ZNF148: variants seen among roughly 807,000 people sequenced by gnomAD.
ZNF148 encodes Beta-Enolase Repressor Factor-1.
ZNF148 carries 7 observed loss-of-function variants against 67.7 expected under a neutral mutation model. The observed-to-expected ratio is 0.10, with a 90% CI of 0.06 to 0.19. The LOEUF is 0.19. Among genes scored for constraint, ZNF148 ranks in the 10% least tolerant of loss-of-function variants. ZNF148 has a pLI of 1.00. For missense variants in ZNF148, 583 were observed against 947.1 expected (o/e 0.62, Z 5.05); for synonymous variants, 333 against 330.7 (o/e 1.01, Z -0.08).
chr3:125,305,874 A>G (rs1468208467), intron 4 of ZNF148, among the ~76,000 whole-genome samples: 2 of 152,092 alleles, frequency 1.3e-5, no homozygotes, highest in Non-Finnish European at 2.9e-5. Flanking sequence ...AATCCAACCA[A>G]CAATAGCCAG....
At chr3:125,368,853 G>C (rs538816818) in intron 1 of ZNF148, among the ~76,000 whole-genome samples, 59 of 152,142 alleles carry the variant, frequency 3.9e-4, no homozygotes, top group African/African-American at 1.4e-3. Flanking sequence ...ACTGAGGCAG[G>C]AGAATCGCTT....
At position 125,313,237 on chromosome 3, in the gene ZNF148, C is replaced by A. The variant is rs181788446; in HGVS notation, c.333+71G>T. 445 of 1,264,592 alleles carry A rather than the reference C, an allele frequency of 3.5e-4. 2 individuals are homozygous for A. In the African/African-American group the frequency reaches 6.1e-3, roughly 17 times the overall value. The allele number at this position is 1,264,592 out of a possible 1,614,324, so 78.3% of individuals were successfully genotyped here. ...CCTGAAACATTTTCTGAAATTTCTTCGATGACTTGCAGTATTACGTAACAA... is the reference window on the plus strand; with the variant it reads ...CCTGAAACATTTTCTGAAATTTCTTAGATGACTTGCAGTATTACGTAACAA... On this transcript the variant is annotated intron_variant, in intron 4 of 8. Coordinates refer to ENST00000360647, the MANE Select transcript of ZNF148 (RefSeq NM_021964.3).
chr3:125,297,195 T>A (rs1010408384), intron 4 of ZNF148, among the ~76,000 whole-genome samples: 2 of 151,912 alleles, frequency 1.3e-5, no homozygotes, highest in Non-Finnish European at 2.9e-5. Context: ...CCCAGCAAAG[T>A]AAAGTGAAAG....
chr3:125,309,687 C>T (rs1287289280), intron 4 of ZNF148, among the ~76,000 whole-genome samples: 2 of 152,162 alleles, frequency 1.3e-5, no homozygotes, highest in Non-Finnish European at 2.9e-5. Flanking sequence ...TGAGGAACCA[C>T]TGGGGAAGTT....
intron 2 of ZNF148, among the ~76,000 whole-genome samples, chr3:125,323,958 CAAA>C (rs11316937): frequency 1.7e-4 from 22 of 127,852 alleles, no homozygotes; most frequent in Admixed American, 1.6e-4. Flanking sequence ...GACTCTGTCT[CAAA>C]AAAAAAAAAA....
intron 7 of ZNF148, among the ~76,000 whole-genome samples, chr3:125,275,296 C>G (rs981553240): frequency 6.6e-6 from 1 of 152,300 alleles, no homozygotes; most frequent in South Asian, 2.1e-4. Flanking sequence ...CTACACTGTT[C>G]TCTCTAACAT....
intron 7 of ZNF148, among the ~76,000 whole-genome samples, chr3:125,268,750 T>A (rs1216870349): frequency 2.6e-5 from 4 of 151,934 alleles, no homozygotes; most frequent in African/African-American, 9.7e-5. Flanking sequence ...GAGGCCAAAG[T>A]AAGAGGACTG....
At chr3:125,298,604 T>C (rs1476597016) in intron 4 of ZNF148, among the ~76,000 whole-genome samples, 1 of 150,758 alleles carries the variant, frequency 6.6e-6, no homozygotes, top group African/African-American at 2.4e-5. Flanking sequence ...CAAAATATTG[T>C]ACATTTATAT....
intron 3 of ZNF148, among the ~76,000 whole-genome samples, chr3:125,317,143 T>C (rs1344499346): frequency 6.6e-6 from 1 of 152,190 alleles, no homozygotes; most frequent in Non-Finnish European, 1.5e-5. Context: ...TCCTTATTCC[T>C]ATGGCCCCAA....
chr3:125,249,242 G>T (rs999576741), intron 7 of ZNF148, among the ~76,000 whole-genome samples: 1 of 151,948 alleles, frequency 6.6e-6, no homozygotes. Context: ...TATGGAATGG[G>T]AAAAAACATT....
intron 7 of ZNF148, among the ~76,000 whole-genome samples, chr3:125,241,290 CAG>C (rs1230060111): frequency 6.6e-6 from 1 of 151,008 alleles, no homozygotes; most frequent in African/African-American, 2.4e-5. Context: ...AGTTTCTTTA[CAG>C]AGTTTCTTTC....
intron 4 of ZNF148, among the ~76,000 whole-genome samples, chr3:125,293,252 C>T (rs534188787): frequency 9.7e-4 from 148 of 152,278 alleles, no homozygotes; most frequent in African/African-American, 3.4e-3. Flanking sequence ...TACATCTTAA[C>T]TATACAATCC....
Position 125,331,223 on chromosome 3 carries a change from G to C in ZNF148, c.-218C>G, listed in dbSNP as rs1941277115. The C allele has an allele frequency of 1.0e-5, 4 of 398,552 alleles. No individual in the cohort carries two copies. The highest frequency in any genetic ancestry group is 1.8e-5 in the Non-Finnish European group (4 of 226,044). 24.7% of individuals were successfully genotyped at this position (398,552 alleles called of 1,614,324 possible). The stretch of plus-strand genomic sequence containing the variant: ...CACGTGCTTGAATTTCCAAGCTGCT[G>C]ATTCCTCCCTCTATCCTACAAAAGT... On this transcript the variant is annotated 5_prime_UTR_variant, in exon 2 of 9. In the 5' UTR this introduces an upstream ATG that the reference lacks. Transcript: ENST00000360647.
chr3:125,330,761 C>G (rs982239419), intron 2 of ZNF148, among the ~76,000 whole-genome samples: 3 of 152,016 alleles, frequency 2.0e-5, no homozygotes, highest in African/African-American at 7.2e-5. Flanking sequence ...ATGTAAACTC[C>G]TTGAAAACTG....
intron 1 of ZNF148, among the ~76,000 whole-genome samples, chr3:125,361,584 C>T (rs1261337338): frequency 1.3e-5 from 2 of 152,136 alleles, no homozygotes; most frequent in Non-Finnish European, 2.9e-5. Context: ...GTAATCCCAA[C>T]ACTTTAGGAG....
intron 4 of ZNF148, among the ~76,000 whole-genome samples, chr3:125,308,665 A>G (rs1940031528): frequency 6.6e-6 from 1 of 152,212 alleles, no homozygotes; most frequent in Non-Finnish European, 1.5e-5. Context: ...AAGATTTACT[A>G]TAAAAGATAC....
chr3:125,361,418 T>C (rs1171484237), intron 1 of ZNF148, among the ~76,000 whole-genome samples: 3 of 152,120 alleles, frequency 2.0e-5, no homozygotes, highest in Non-Finnish European at 4.4e-5. Flanking sequence ...AATTCAGCCA[T>C]TATTCTCAAT....
intron 5 of ZNF148, among the ~76,000 whole-genome samples, chr3:125,286,008 G>A (rs1163880978): frequency 6.6e-6 from 1 of 152,002 alleles, no homozygotes; most frequent in African/African-American, 2.4e-5. Flanking sequence ...CACCCAATAA[G>A]AAGATAATCT....
intron 4 of ZNF148, among the ~76,000 whole-genome samples, chr3:125,296,011 C>G (rs1034710901): frequency 2.1e-5 from 3 of 144,954 alleles, no homozygotes; most frequent in African/African-American, 7.9e-5. Context: ...ACGTAGACAT[C>G]TTGATATCTA....
Sources: gnomAD v4.1 joint callset for allele counts (sites outside exome capture counted in the v4.1 genomes callset) on GRCh38, gnomAD v4.1.1 for gene constraint, MANE v1.5 for transcripts, NCBI Gene and HGNC (gene_info 2026-07-23, HGNC 2026-07-21) for gene names.